The following CRTAC1 variants were observed in gnomAD, a reference collection of about 807,000 sequenced individuals.
CRTAC1 encodes the protein cartilage acidic protein 1.
CRTAC1 carries 37 observed loss-of-function variants against 67.8 expected under a neutral mutation model. That is an observed-to-expected ratio of 0.55 (90% CI 0.42 to 0.72). The LOEUF is 0.72. Ranked by LOEUF, CRTAC1 falls within the 30% of genes least tolerant of loss-of-function variation. CRTAC1 has a pLI of 0.00. For synonymous variants in CRTAC1, 348 were observed against 371.0 expected (o/e 0.94, Z 0.71); for missense variants, 780 against 931.6 (o/e 0.84, Z 2.12).
intron 2 of CRTAC1, among the ~76,000 whole-genome samples, chr10:98,005,100 A>ATATTTTTTTTTTTTTTTTTTTTTTTTT: frequency 2.0e-5 from 1 of 48,926 alleles, no homozygotes; most frequent in African/African-American, 1.2e-4. Flanking sequence ...ATATATATAT[A>ATATTTTTTTTTTTTTTTTTTTTTTTTT]TTTTTTTTTT....
intron 2 of CRTAC1, among the ~76,000 whole-genome samples, chr10:97,941,909 G>A (rs146878734): frequency 5.9e-4 from 90 of 152,244 alleles, no homozygotes; most frequent in African/African-American, 1.9e-3. Flanking sequence ...CTTGGAGCCC[G>A]CATGGTCTGC....
intron 2 of CRTAC1, among the ~76,000 whole-genome samples, chr10:97,941,045 C>T (rs2051166426): frequency 6.6e-6 from 1 of 151,938 alleles, no homozygotes; most frequent in Non-Finnish European, 1.5e-5. Flanking sequence ...GCCTATTTGC[C>T]CCACCCCCAT....
At chr10:97,884,482 G>T in intron 11 of CRTAC1, 131 bp from the exon 12 acceptor site, 1 of 863,694 alleles carries the variant, frequency 1.2e-6, no homozygotes, top group Non-Finnish European at 1.8e-6. Context: ...CTAGGGAAAT[G>T]GTGAACAAGA....
chr10:98,002,986 T>C (rs1842722966), intron 2 of CRTAC1, among the ~76,000 whole-genome samples: 1 of 151,268 alleles, frequency 6.6e-6, no homozygotes, highest in Non-Finnish European at 1.5e-5. Context: ...GGTTTCACCA[T>C]GTTAGCCAGG....
intron 14 of CRTAC1, 112 bp from the exon 15 acceptor site, chr10:97,865,826 GAGGGA>G: frequency 5.1e-6 from 4 of 778,974 alleles, no homozygotes; most frequent in Non-Finnish European, 7.4e-6. Flanking sequence ...CCCGGGGTGG[GAGGGA>G]GGGTGACGGG....
rs115050290 is a variant in CRTAC1 at position 97,931,010 on chromosome 10, A to G, written c.421+5160T>C. ...ATTCCCTAATTTATAAAGAGCTGTT[A>G]CAACTCAATAAGGAAAAGACCAATA... On this transcript the variant is annotated intron_variant, in intron 3 of 14. Transcript: ENST00000370597. Among the ~76,000 whole-genome samples, 778 of 152,322 alleles carry G rather than the reference A, an allele frequency of 5.1e-3. 6 individuals are homozygous for G. The highest frequency in any genetic ancestry group is 0.018 in the African/African-American group (737 of 41,564).
intron 14 of CRTAC1, chr10:97,878,610 A>G (rs2050173484): frequency 1.5e-6 from 2 of 1,303,486 alleles, no homozygotes; most frequent in Non-Finnish European, 2.0e-6. Flanking sequence ...GTGGCGTTAC[A>G]TCATTTCCAA....
chr10:97,988,261 G>T (rs538432490), intron 2 of CRTAC1, among the ~76,000 whole-genome samples: 45 of 152,090 alleles, frequency 3.0e-4, no homozygotes, highest in Non-Finnish European at 6.5e-4. Context: ...TCTTTTTTGG[G>T]GTGGGGAGGG....
At chr10:97,960,738 T>C (rs2051512300) in intron 2 of CRTAC1, among the ~76,000 whole-genome samples, 1 of 152,196 alleles carries the variant, frequency 6.6e-6, no homozygotes, top group Non-Finnish European at 1.5e-5. Context: ...GGCTTATGGG[T>C]CAACATATTC....
intron 11 of CRTAC1, among the ~76,000 whole-genome samples, chr10:97,889,317 T>C (rs1179652133): frequency 6.6e-6 from 1 of 151,888 alleles, no homozygotes; most frequent in Non-Finnish European, 1.5e-5. Context: ...TGGGGGTGGG[T>C]TCCGAGCAAC....
In CRTAC1 at chr10:97,880,391, G is replaced by A. The variant is rs1234066390; in HGVS notation, c.1677C>T (p.Asp559=). 1 of 1,613,284 alleles carries A rather than the reference G, an allele frequency of 6.2e-7. No individual in the cohort carries two copies. Among genetic ancestry groups the A allele is most frequent in the East Asian group, 2.2e-5 (1 of 44,866 alleles). ...ATGGGAACTGGATGCATTCATTGGT[G>A]TCTGCAAGGCGAGGGGAACCACTCA... is the stretch of plus-strand genomic sequence containing the variant. ...FSQQENGHCM[D]TNECIQFPFV... is the part of the protein sequence containing the mutation. Residue 559 remains aspartate, a splice_region_variant and synonymous_variant, in exon 14 of 15, where the codon GAC becomes GAT. Coordinates refer to ENST00000370597, the MANE Select transcript of CRTAC1 (RefSeq NM_018058.7).
chr10:97,923,976 G>A (rs1201780466), intron 3 of CRTAC1, among the ~76,000 whole-genome samples: 1 of 152,118 alleles, frequency 6.6e-6, no homozygotes, highest in African/African-American at 2.4e-5. Context: ...GCAGCCCTGG[G>A]AGGCCCCTGG....
At chr10:98,006,301 G>A (rs1181471229) in intron 2 of CRTAC1, among the ~76,000 whole-genome samples, 2 of 152,206 alleles carry the variant, frequency 1.3e-5, no homozygotes, top group East Asian at 3.9e-4. Flanking sequence ...TAAATGGTCT[G>A]TGCGTGCACG....
chr10:97,902,740 G>T (rs2136567498), intron 7 of CRTAC1, among the ~76,000 whole-genome samples: 1 of 152,296 alleles, frequency 6.6e-6, no homozygotes, highest in East Asian at 1.9e-4. Context: ...TACCCGACTT[G>T]GGCCTGCTCT....
intron 14 of CRTAC1, chr10:97,879,785 T>C (rs1231013360): frequency 2.3e-6 from 3 of 1,295,834 alleles, no homozygotes; most frequent in East Asian, 5.2e-5. Context: ...AATACCCACC[T>C]AAAAAGGCCA....
intron 2 of CRTAC1, among the ~76,000 whole-genome samples, chr10:97,990,477 G>A (rs1842422904): frequency 6.6e-6 from 1 of 152,142 alleles, no homozygotes; most frequent in Non-Finnish European, 1.5e-5. Context: ...TGCCCAAGTC[G>A]AGTCCTTCTC....
intron 2 of CRTAC1, among the ~76,000 whole-genome samples, chr10:97,956,863 G>A (rs556408562): frequency 4.6e-5 from 7 of 152,084 alleles, no homozygotes; most frequent in Non-Finnish European, 8.8e-5. Flanking sequence ...CTGGAGTACA[G>A]TGGTGTGATC....
At chr10:97,936,390 T>C (rs754682603) in intron 2 of CRTAC1, 24 bp from the exon 3 acceptor site, 4 of 1,587,044 alleles carry the variant, frequency 2.5e-6, no homozygotes, top group Non-Finnish European at 3.4e-6. Flanking sequence ...GGGGAGGGGA[T>C]GCTGGGGAGG....
chr10:97,978,667 G>A (rs2051844906), intron 2 of CRTAC1, among the ~76,000 whole-genome samples: 1 of 152,070 alleles, frequency 6.6e-6, no homozygotes, highest in Non-Finnish European at 1.5e-5. Context: ...GGTCCTTGAG[G>A]GCTACCTCCT....
Sources: allele counts gnomAD v4.1 joint callset (sites outside exome capture counted in the v4.1 genomes callset), GRCh38; gene constraint gnomAD v4.1.1; transcripts MANE v1.5; gene names NCBI Gene and HGNC (gene_info 2026-07-23, HGNC 2026-07-21).